Variants in TEKT5 observed in about 807,000 individuals in gnomAD.
TEKT5 encodes the protein tektin 5.
Under a neutral mutation model 48.7 loss-of-function variants are expected in TEKT5, and 52 were observed. The observed-to-expected ratio is 1.07, with a 90% confidence interval of 0.86 to 1.35. The LOEUF (loss-of-function observed/expected upper bound fraction) is 1.35. TEKT5 is among the 40% of genes most tolerant of loss of function. The pLI is 0.00. For synonymous variants in TEKT5, 318 were observed against 267.6 expected (o/e 1.19, Z -1.84); for missense variants, 831 against 641.6 (o/e 1.30, Z -3.19).
chr16:10,635,677 A>C (rs1368278049), intron 6 of TEKT5, 87 bp downstream of exon 6: 7 of 1,532,414 alleles, frequency 4.6e-6, no homozygotes, highest in Admixed American at 2.0e-5. Context: ...TTTCAGACCC[A>C]GTGCACCTAG....
At chr16:10,678,362 G>A (rs1898686422) in intron 4 of TEKT5, among the ~76,000 whole-genome samples, 1 of 152,164 alleles carries the variant, frequency 6.6e-6, no homozygotes, top group East Asian at 1.9e-4. Context: ...CTCCCAAAGT[G>A]CTGGAATTAC....
intron 1 of TEKT5, among the ~76,000 whole-genome samples, chr16:10,692,068 A>T (rs1214102726): frequency 6.6e-6 from 1 of 152,078 alleles, no homozygotes; most frequent in Non-Finnish European, 1.5e-5. Flanking sequence ...TACATTGCGC[A>T]GGGAGAGGCT....
intron 5 of TEKT5, among the ~76,000 whole-genome samples, chr16:10,654,745 G>A (rs1898228428): frequency 6.6e-6 from 1 of 152,124 alleles, no homozygotes. Context: ...TCTCCAGCAT[G>A]CAGACCACAG....
intron 5 of TEKT5, among the ~76,000 whole-genome samples, chr16:10,670,857 T>TTTTATTTA (rs199906550): frequency 3.5e-4 from 53 of 151,894 alleles, no homozygotes; most frequent in African/African-American, 1.2e-3. Context: ...GAATTTTTAT[T>TTTTATTTA]TTTATTTATT....
At chr16:10,663,755 C>T (rs1898412875) in intron 5 of TEKT5, among the ~76,000 whole-genome samples, 1 of 152,206 alleles carries the variant, frequency 6.6e-6, no homozygotes, top group African/African-American at 2.4e-5. Flanking sequence ...ATGTTAGTAG[C>T]ATTCTCCACC....
chr16:10,637,649 C>A (rs1430482402), intron 5 of TEKT5, among the ~76,000 whole-genome samples: 1 of 152,230 alleles, frequency 6.6e-6, no homozygotes, highest in Non-Finnish European at 1.5e-5. Flanking sequence ...GAAGGTTTCA[C>A]AGATATAAAC....
At chr16:10,633,037 G>T (rs944198944) in intron 6 of TEKT5, among the ~76,000 whole-genome samples, 1 of 152,140 alleles carries the variant, frequency 6.6e-6, no homozygotes, top group African/African-American at 2.4e-5. Context: ...GGTCCTCCAG[G>T]CAACTCCCCC....
Position 10,689,088 on chromosome 16 carries a change from CT to C in TEKT5, c.719+164del, listed in dbSNP as rs553006343. 4.5e-4 allele frequency among the ~76,000 whole-genome samples: 66 copies of C among 147,536 alleles called. 1 individual carries two copies. Among genetic ancestry groups the C allele is most frequent in the Non-Finnish European group, 4.5e-4 (30 of 66,470 alleles). On this transcript the variant is annotated intron_variant, in intron 3 of 6. Transcript: ENST00000283025. Reference sequence around the variant, plus strand: ...ACTGGCAGATACTATGATCAGGACTCTTTTTTTTTTTCCTAGAAGGCTGGTT... The same window carrying C: ...ACTGGCAGATACTATGATCAGGACTCTTTTTTTTTTCCTAGAAGGCTGGTT...
At chr16:10,670,222 A>C (rs903676985) in intron 5 of TEKT5, among the ~76,000 whole-genome samples, 2 of 152,226 alleles carry the variant, frequency 1.3e-5, no homozygotes, top group African/African-American at 4.8e-5. Flanking sequence ...AATAACAGTT[A>C]CATTTTTAAA....
At chr16:10,637,126 T>C (rs1246686643) in intron 5 of TEKT5, among the ~76,000 whole-genome samples, 1 of 151,492 alleles carries the variant, frequency 6.6e-6, no homozygotes, top group East Asian at 1.9e-4. Context: ...GGATTACAGG[T>C]GCCTGCCACC....
chr16:10,656,048 T>C (rs995866738), intron 5 of TEKT5, among the ~76,000 whole-genome samples: 4 of 152,168 alleles, frequency 2.6e-5, no homozygotes, highest in African/African-American at 9.7e-5. Flanking sequence ...ACTACTGACA[T>C]TTTGATAGAC....
At chr16:10,637,389 G>A (rs1897930785) in intron 5 of TEKT5, among the ~76,000 whole-genome samples, 1 of 148,082 alleles carries the variant, frequency 6.8e-6, no homozygotes. Context: ...CTAGATCAGT[G>A]AATAAAGAAG....
intron 5 of TEKT5, among the ~76,000 whole-genome samples, chr16:10,654,651 A>G (rs1350155807): frequency 6.6e-6 from 1 of 152,112 alleles, no homozygotes; most frequent in Admixed American, 6.5e-5. Flanking sequence ...TTGCTGGTTC[A>G]GACTCAGACG....
chr16:10,679,800 G>C (rs1385385267), intron 4 of TEKT5, among the ~76,000 whole-genome samples: 1 of 152,180 alleles, frequency 6.6e-6, no homozygotes, highest in African/African-American at 2.4e-5. Context: ...AGGAGGCTGA[G>C]GCAGGAGCAT....
At chr16:10,654,699 G>A (rs755229968) in intron 5 of TEKT5, among the ~76,000 whole-genome samples, 3 of 152,042 alleles carry the variant, frequency 2.0e-5, no homozygotes, top group Non-Finnish European at 4.4e-5. Context: ...TTAGACCTTA[G>A]GACTGGAACT....
intron 5 of TEKT5, among the ~76,000 whole-genome samples, chr16:10,664,793 G>A (rs1317162669): frequency 1.3e-5 from 2 of 152,188 alleles, no homozygotes; most frequent in East Asian, 3.8e-4. Context: ...CAGGTGCCAG[G>A]TTCTTTCCGT....
intron 4 of TEKT5, among the ~76,000 whole-genome samples, chr16:10,679,406 G>A (rs935167335): frequency 1.4e-4 from 21 of 150,546 alleles, no homozygotes; most frequent in South Asian, 4.2e-4. Flanking sequence ...GCAGTGAGCC[G>A]AGATTGTGCC....
chr16:10,683,061 T>C (rs1349889035), intron 3 of TEKT5, among the ~76,000 whole-genome samples: 1 of 152,178 alleles, frequency 6.6e-6, no homozygotes, highest in African/African-American at 2.4e-5. Flanking sequence ...GGTAAGGGCA[T>C]TGTGCAGGTT....
chr16:10,684,319 C>T (rs1214166664), intron 3 of TEKT5, among the ~76,000 whole-genome samples: 1 of 151,750 alleles, frequency 6.6e-6, no homozygotes, highest in African/African-American at 2.4e-5. Context: ...GTCTCTCTAA[C>T]CTTTGTCTCT....
Sources: gnomAD v4.1 joint callset for allele counts (sites outside exome capture counted in the v4.1 genomes callset) on GRCh38, gnomAD v4.1.1 for gene constraint, MANE v1.5 for transcripts, NCBI Gene and HGNC (gene_info 2026-07-23, HGNC 2026-07-21) for gene names.